ALDH1A2: variants seen among roughly 807,000 people sequenced by gnomAD.
ALDH1A2 encodes aldehyde dehydrogenase 1 family member A2, also known as retinal dehydrogenase 2.
In ALDH1A2, 27 loss-of-function variants were observed where a neutral mutation model predicts 60.3. That is an observed-to-expected ratio of 0.45 (90% CI 0.33 to 0.62). The LOEUF (loss-of-function observed/expected upper bound fraction) is 0.62, where lower values mean the gene tolerates loss of function less well. ALDH1A2 is among the 20% of genes least tolerant of loss of function. The probability of loss-of-function intolerance (pLI) is 0.02; values close to 1 mark genes in which losing one functional copy is unlikely to be tolerated. For synonymous variants in ALDH1A2, 289 were observed against 232.4 expected (o/e 1.24, Z -2.21); for missense variants, 581 against 643.8 (o/e 0.90, Z 1.06).
chr15:57,959,277 A>G (rs1893642799), intron 12 of ALDH1A2, among the ~76,000 whole-genome samples: 2 of 152,242 alleles, frequency 1.3e-5, no homozygotes, highest in Admixed American at 1.3e-4. Context: ...ACATAGAGGA[A>G]GGAAATGAAA....
intron 1 of ALDH1A2, among the ~76,000 whole-genome samples, chr15:58,059,845 A>C (rs1363671153): frequency 6.6e-6 from 1 of 152,210 alleles, no homozygotes. Flanking sequence ...TTGAACTCTT[A>C]TGAGTAATGC....
chr15:58,054,972 C>T (rs543625347), intron 1 of ALDH1A2, among the ~76,000 whole-genome samples: 26 of 152,102 alleles, frequency 1.7e-4, no homozygotes, highest in African/African-American at 5.1e-4. Context: ...ATGATAGCTG[C>T]GGACAATACT....
intron 7 of ALDH1A2, among the ~76,000 whole-genome samples, chr15:57,972,691 A>T (rs1435203905): frequency 1.3e-5 from 2 of 152,154 alleles, no homozygotes; most frequent in Admixed American, 1.3e-4. Flanking sequence ...TTAAAAAGAG[A>T]AGTTTTATGC....
Position 57,997,993 on chromosome 15 carries a change from C to T in ALDH1A2, c.494-2854G>A, listed in dbSNP as rs141454848. 5.9e-5 allele frequency among the ~76,000 whole-genome samples: 9 copies of T among 152,126 alleles called. No individual in the cohort carries two copies. The East Asian group carries it at 7.7e-4, about 13-fold the overall frequency. The stretch of plus-strand genomic sequence containing the variant: ...GGAGGCTACTTTCAATAAAATTCAA[C>T]ATTCCTTCAGGTTAAAAACTCTCAA... On this transcript the variant is annotated intron_variant, in intron 4 of 12. Transcript: ENST00000249750.
chr15:58,029,772 A>G (rs1181326643), intron 1 of ALDH1A2, among the ~76,000 whole-genome samples: 7 of 152,214 alleles, frequency 4.6e-5, no homozygotes, highest in Admixed American at 4.6e-4. Flanking sequence ...CTATGCAAAT[A>G]AACTAGAAAA....
intron 4 of ALDH1A2, among the ~76,000 whole-genome samples, chr15:58,007,384 G>A (rs1895494685): frequency 6.6e-6 from 1 of 151,878 alleles, no homozygotes; most frequent in Non-Finnish European, 1.5e-5. Flanking sequence ...TCTGCACTGG[G>A]GTAAAGACTT....
intron 4 of ALDH1A2, among the ~76,000 whole-genome samples, chr15:57,999,186 A>G (rs1414295571): frequency 3.3e-5 from 5 of 152,076 alleles, no homozygotes; most frequent in African/African-American, 9.7e-5. Flanking sequence ...CAACAAAAGC[A>G]AAAATTGACA....
At chr15:57,976,294 T>C (rs1310544490) in intron 7 of ALDH1A2, among the ~76,000 whole-genome samples, 1 of 152,214 alleles carries the variant, frequency 6.6e-6, no homozygotes, top group African/African-American at 2.4e-5. Context: ...CACTGTATTT[T>C]TTAAAATTAT....
chr15:58,050,907 A>G (rs1406190067), intron 1 of ALDH1A2, among the ~76,000 whole-genome samples: 1 of 152,194 alleles, frequency 6.6e-6, no homozygotes, highest in African/African-American at 2.4e-5. Flanking sequence ...TATGCAAGGA[A>G]GGGCTCGAAC....
At chr15:57,990,347 A>ACAAGTAAAATTTTTC (rs1894852254) in intron 7 of ALDH1A2, 1 of 152,210 alleles carries the variant, frequency 6.6e-6, no homozygotes, top group South Asian at 2.1e-4. Context: ...TTACAGATTT[A>ACAAGTAAAATTTTTC]CAAGTAAAAT....
intron 1 of ALDH1A2, among the ~76,000 whole-genome samples, chr15:58,027,375 ACC>A (rs373176835): frequency 9.2e-5 from 14 of 152,168 alleles, no homozygotes; most frequent in African/African-American, 3.1e-4. Context: ...CCACACCAAA[ACC>A]CCATTTGTAG....
intron 1 of ALDH1A2, among the ~76,000 whole-genome samples, chr15:58,021,786 T>C (rs997789927): frequency 1.3e-5 from 2 of 152,232 alleles, no homozygotes; most frequent in African/African-American, 4.8e-5. Flanking sequence ...TAGCCAAGGC[T>C]AAGAAGCCAG....
chr15:58,011,443 G>A (rs953463783), intron 3 of ALDH1A2, among the ~76,000 whole-genome samples: 3 of 152,090 alleles, frequency 2.0e-5, no homozygotes, highest in Admixed American at 6.6e-5. Context: ...TTATTTTAAC[G>A]ACATGTTCCT....
At chr15:57,997,356 A>G (rs1285728189) in intron 4 of ALDH1A2, among the ~76,000 whole-genome samples, 1 of 152,066 alleles carries the variant, frequency 6.6e-6, no homozygotes, top group Admixed American at 6.6e-5. Context: ...CTAGAGTTTC[A>G]TTTACAAGAA....
chr15:57,963,423 T>G (rs1215239696), intron 9 of ALDH1A2, among the ~76,000 whole-genome samples: 1 of 150,214 alleles, frequency 6.7e-6, no homozygotes, highest in African/African-American at 2.5e-5. Context: ...GTCTGTAAGC[T>G]CCATCTCCCG....
At chr15:58,024,788 T>C (rs1297508042) in intron 1 of ALDH1A2, among the ~76,000 whole-genome samples, 1 of 152,168 alleles carries the variant, frequency 6.6e-6, no homozygotes, top group Admixed American at 6.5e-5. Flanking sequence ...AGACCATATG[T>C]TGGACCACAA....
At chr15:57,989,418 C>T (rs1894818989) in intron 7 of ALDH1A2, among the ~76,000 whole-genome samples, 1 of 152,060 alleles carries the variant, frequency 6.6e-6, no homozygotes, top group Non-Finnish European at 1.5e-5. Context: ...ACATAAGGTA[C>T]TTAGAAAATC....
chr15:58,061,223 G>A (rs193242579), intron 1 of ALDH1A2, among the ~76,000 whole-genome samples: 2 of 152,154 alleles, frequency 1.3e-5, no homozygotes, highest in East Asian at 3.9e-4. Context: ...CAGCTTCCCT[G>A]TGTTAAATGG....
At chr15:58,064,514 T>C (rs1209316259) in intron 1 of ALDH1A2, among the ~76,000 whole-genome samples, 2 of 152,242 alleles carry the variant, frequency 1.3e-5, no homozygotes, top group South Asian at 2.1e-4. Flanking sequence ...CACGATGGAA[T>C]ACATCTTTAA....
Sources: gnomAD v4.1 joint callset for allele counts (sites outside exome capture counted in the v4.1 genomes callset) on GRCh38, gnomAD v4.1.1 for gene constraint, MANE v1.5 for transcripts, NCBI Gene and HGNC (gene_info 2026-07-23, HGNC 2026-07-21) for gene names.